Variants in CNTN4 observed in about 807,000 individuals in gnomAD.
CNTN4 encodes the protein contactin-4.
In CNTN4, 77 loss-of-function variants were observed where a neutral mutation model predicts 122.5. That is an observed-to-expected ratio of 0.63 (90% confidence interval 0.52 to 0.76). CNTN4 has a LOEUF of 0.76. Among genes scored for constraint, CNTN4 ranks in the 30% least tolerant of loss-of-function variants. The pLI, the probability that CNTN4 is intolerant of heterozygous loss-of-function variation, is 0.00. For missense variants in CNTN4, 1,256 were observed against 1,259.1 expected (o/e 1.00, Z 0.04); for synonymous variants, 512 against 447.0 (o/e 1.15, Z -1.83).
chr3:2,117,568 T>C (rs543680096), intron 2 of CNTN4, among the ~76,000 whole-genome samples: 1 of 152,296 alleles, frequency 6.6e-6, no homozygotes, highest in Admixed American at 6.5e-5. Context: ...TCTAATTATA[T>C]CTTGGTCTTT....
chr3:2,853,938 G>A lies in CNTN4; in HGVS notation c.455-12814G>A, dbSNP rs147964028. On this transcript the variant is annotated intron_variant, in intron 7 of 24. Transcript: ENST00000418658. ...TGCCGTTCCCCAAAAACCAATTGAC[G>A]AAGCATTGCTAAGAAGATGAAAAGT... Among the ~76,000 whole-genome samples, 252 of 152,236 alleles carry A rather than the reference G, an allele frequency of 1.7e-3. 1 individual carries two copies. Among genetic ancestry groups the A allele is most frequent in the African/African-American group, 5.9e-3 (245 of 41,550 alleles).
intron 13 of CNTN4, among the ~76,000 whole-genome samples, chr3:2,933,954 T>C (rs2094546909): frequency 6.6e-6 from 1 of 152,090 alleles, no homozygotes; most frequent in Non-Finnish European, 1.5e-5. Context: ...AAGCCACGCC[T>C]GCTGGGAGGT....
chr3:2,467,165 TG>T (rs1337733844), intron 3 of CNTN4, among the ~76,000 whole-genome samples: 1 of 149,218 alleles, frequency 6.7e-6, no homozygotes, highest in African/African-American at 2.5e-5. Context: ...AGAGAAATCC[TG>T]GTCAGGACCT....
intron 4 of CNTN4, among the ~76,000 whole-genome samples, chr3:2,594,980 T>C (rs2080697092): frequency 6.6e-6 from 1 of 152,180 alleles, no homozygotes; most frequent in Admixed American, 6.5e-5. Context: ...GTAACATTGG[T>C]CACATTAGTC....
intron 6 of CNTN4, among the ~76,000 whole-genome samples, chr3:2,777,475 G>T (rs1223542745): frequency 6.6e-6 from 1 of 152,158 alleles, no homozygotes; most frequent in Non-Finnish European, 1.5e-5. Flanking sequence ...AATGTACCTG[G>T]CATGGATTAC....
Position 2,578,697 on chromosome 3 carries a change from T to C in CNTN4, c.55+7139T>C, listed in dbSNP as rs140683092. On this transcript the variant is annotated intron_variant, in intron 4 of 24. Coordinates refer to ENST00000418658, the MANE Select transcript of CNTN4 (RefSeq NM_175607.3). The stretch of plus-strand genomic sequence containing the variant: ...TCCTGTATTTTATTGTTTCTCTTTG[T>C]AAGAAAATGACTTGCCGGTGTATTT... Among the ~76,000 whole-genome samples the C allele has an allele frequency of 3.3e-4, 50 of 152,270 alleles. No homozygotes were observed. In the East Asian group the frequency reaches 9.5e-3, roughly 29 times the overall value.
intron 3 of CNTN4, among the ~76,000 whole-genome samples, chr3:2,416,679 A>G (rs1041428758): frequency 1.3e-5 from 2 of 151,976 alleles, no homozygotes; most frequent in African/African-American, 4.8e-5. Flanking sequence ...TTTAGGACGG[A>G]GTCTCTGTCT....
intron 3 of CNTN4, among the ~76,000 whole-genome samples, chr3:2,386,336 G>A (rs948173679): frequency 6.6e-5 from 10 of 152,270 alleles, no homozygotes; most frequent in Non-Finnish European, 1.3e-4. Flanking sequence ...TAAAGTTGCA[G>A]TATTGAGACA....
At chr3:2,384,849 C>T in intron 3 of CNTN4, among the ~76,000 whole-genome samples, 1 of 152,106 alleles carries the variant, frequency 6.6e-6, no homozygotes, top group East Asian at 1.9e-4. Context: ...TTTTACCTAT[C>T]TTTTTTTAAC....
chr3:2,244,492 G>A (rs1433868525), intron 2 of CNTN4, among the ~76,000 whole-genome samples: 5 of 151,960 alleles, frequency 3.3e-5, no homozygotes. Flanking sequence ...GGTTTCAGAA[G>A]ATAAGTACAA....
chr3:2,459,496 T>C (rs549276188), intron 3 of CNTN4, among the ~76,000 whole-genome samples: 47 of 152,218 alleles, frequency 3.1e-4, no homozygotes, highest in African/African-American at 1.0e-3. Flanking sequence ...AAGCAAAATA[T>C]ATTATGAAAA....
chr3:2,893,770 C>T (rs1169967873), intron 10 of CNTN4, among the ~76,000 whole-genome samples: 4 of 152,042 alleles, frequency 2.6e-5, no homozygotes, highest in African/African-American at 7.2e-5. Context: ...TTTTTATTCA[C>T]CAATGAATAT....
At chr3:3,039,347 C>T (rs1180209769) in intron 19 of CNTN4, 1 of 239,150 alleles carries the variant, frequency 4.2e-6, no homozygotes, top group African/African-American at 2.2e-5. Context: ...CGTCTGCCAG[C>T]AATAGATTCA....
chr3:2,791,414 T>A (rs1232614387), intron 6 of CNTN4, among the ~76,000 whole-genome samples: 3 of 151,582 alleles, frequency 2.0e-5, no homozygotes, highest in African/African-American at 7.3e-5. Context: ...GTACCTCTAG[T>A]CCCAGCTACT....
chr3:2,497,066 A>T (rs762499695), intron 3 of CNTN4, among the ~76,000 whole-genome samples: 6 of 152,164 alleles, frequency 3.9e-5, no homozygotes, highest in African/African-American at 1.2e-4. Flanking sequence ...AGGGCAGATT[A>T]TCTGTACTTT....
intron 13 of CNTN4, among the ~76,000 whole-genome samples, chr3:2,962,706 C>T (rs1203232260): frequency 6.6e-6 from 1 of 152,166 alleles, no homozygotes; most frequent in East Asian, 1.9e-4. Flanking sequence ...AAGGGAGGGC[C>T]TCTGACCACA....
intron 4 of CNTN4, among the ~76,000 whole-genome samples, chr3:2,702,579 A>C (rs1012909672): frequency 3.3e-5 from 5 of 152,178 alleles, no homozygotes; most frequent in Non-Finnish European, 7.3e-5. Flanking sequence ...AATGTAGTAG[A>C]TGCTCTCTAT....
At chr3:2,833,776 G>T (rs2093154819) in intron 7 of CNTN4, among the ~76,000 whole-genome samples, 1 of 152,162 alleles carries the variant, frequency 6.6e-6, no homozygotes, top group African/African-American at 2.4e-5. Flanking sequence ...CTTGGGTTCA[G>T]CATATGACCT....
chr3:2,216,436 TG>T (rs2038844371), intron 2 of CNTN4, among the ~76,000 whole-genome samples: 1 of 152,154 alleles, frequency 6.6e-6, no homozygotes, highest in Non-Finnish European at 1.5e-5. Context: ...TATTAGGTAC[TG>T]GGCTTAATTC....
Sources: gnomAD v4.1 joint callset for allele counts (sites outside exome capture counted in the v4.1 genomes callset) on GRCh38, gnomAD v4.1.1 for gene constraint, MANE v1.5 for transcripts, NCBI Gene and HGNC (gene_info 2026-07-23, HGNC 2026-07-21) for gene names.